The following PDE1C variants were observed in gnomAD, a reference collection of about 807,000 sequenced individuals.
The protein encoded by PDE1C is phosphodiesterase 1C, also known as dual specificity calcium/calmodulin-dependent 3',5'-cyclic nucleotide phosphodiesterase 1C.
Under a neutral mutation model 93.1 loss-of-function variants are expected in PDE1C, and 62 were observed. That is an observed-to-expected ratio of 0.67 (90% confidence interval 0.54 to 0.82). PDE1C has a LOEUF of 0.82. Ranked by LOEUF, PDE1C falls within the 40% of genes least tolerant of loss-of-function variation. The pLI is 0.00. For missense variants in PDE1C, 742 were observed against 884.6 expected (o/e 0.84, Z 2.04); for synonymous variants, 325 against 310.1 (o/e 1.05, Z -0.50).
chr7:32,033,756 C>T (rs1223364342), intron 2 of PDE1C, among the ~76,000 whole-genome samples: 3 of 152,116 alleles, frequency 2.0e-5, no homozygotes, highest in Non-Finnish European at 2.9e-5. Flanking sequence ...AACCCAAAGA[C>T]CCCTGGAAGG....
At chr7:32,073,363 G>A (rs1419944706), upstream of PDE1C, among the ~76,000 whole-genome samples, 1 of 152,150 alleles carries the variant, frequency 6.6e-6, no homozygotes, top group African/African-American at 2.4e-5. Flanking sequence ...GCAGGAAGGA[G>A]CCCAAAAGAC....
chr7:31,636,089 T>TA, the PDE1C span, among the ~76,000 whole-genome samples: 22 of 152,112 alleles, frequency 1.4e-4, no homozygotes, highest in Non-Finnish European at 2.6e-4. Context: ...CAGATGCTTA[T>TA]AAAACCATCA....
the PDE1C span, among the ~76,000 whole-genome samples, chr7:31,723,871 G>A: frequency 6.6e-6 from 1 of 152,038 alleles, no homozygotes; most frequent in Admixed American, 6.6e-5. Context: ...ATACATACAC[G>A]CAAATCCACA....
chr7:32,043,133 CA>C (rs1222943225), intron 2 of PDE1C, among the ~76,000 whole-genome samples: 3 of 152,130 alleles, frequency 2.0e-5, no homozygotes, highest in Admixed American at 2.0e-4. Context: ...GGGATACTGC[CA>C]AACATCCTAC....
At chr7:32,098,286 G>A (rs943868279) in intron 3 of PDE1C, among the ~76,000 whole-genome samples, 7 of 149,364 alleles carry the variant, frequency 4.7e-5, no homozygotes, top group East Asian at 3.9e-4. Context: ...ACCCTGAAGC[G>A]GGTAATCATT....
intron 1 of PDE1C, among the ~76,000 whole-genome samples, chr7:32,402,053 T>C (rs1784954508): frequency 6.6e-6 from 1 of 152,202 alleles, no homozygotes; most frequent in Non-Finnish European, 1.5e-5. Context: ...GTTATAAATG[T>C]AGATATTGTT....
At chr7:32,216,352 CT>C (rs1389034725) in intron 1 of PDE1C, among the ~76,000 whole-genome samples, 1 of 152,162 alleles carries the variant, frequency 6.6e-6, no homozygotes, top group Non-Finnish European at 1.5e-5. Flanking sequence ...CTCATATGCT[CT>C]ATACTTCAGT....
At chr7:32,050,575 T>A (rs774531316) in intron 2 of PDE1C, among the ~76,000 whole-genome samples, 1 of 132,472 alleles carries the variant, frequency 7.5e-6, no homozygotes, top group Non-Finnish European at 1.6e-5. Context: ...TATGTGTATG[T>A]ATATATATAT....
chr7:31,792,672 T>G (rs1028983010), intron 16 of PDE1C, among the ~76,000 whole-genome samples: 2 of 152,098 alleles, frequency 1.3e-5, no homozygotes, highest in African/African-American at 2.4e-5. Flanking sequence ...CTCTTTTCAC[T>G]CCACATCCTA....
the PDE1C span, among the ~76,000 whole-genome samples, chr7:31,674,862 TC>T: frequency 0.066 from 10,106 of 152,260 alleles, 465 homozygotes; most frequent in Non-Finnish European, 0.1. Context: ...ATTTCCACTT[TC>T]TTCTGATATG....
At chr7:32,231,902 A>G (rs10269368) in intron 1 of PDE1C, among the ~76,000 whole-genome samples, 48,834 of 151,836 alleles carry the variant, frequency 0.32, 8,857 homozygotes, top group African/African-American at 0.49. Flanking sequence ...AAATGTAGGA[A>G]GAGTCTTTGA....
At chr7:32,241,888 C>T (rs1179373235) in intron 1 of PDE1C, among the ~76,000 whole-genome samples, 1 of 152,006 alleles carries the variant, frequency 6.6e-6, no homozygotes, top group Non-Finnish European at 1.5e-5. Flanking sequence ...TATGTGAGTG[C>T]AGATGCAGGG....
At chr7:31,861,547 C>T (rs567996400) in intron 7 of PDE1C, among the ~76,000 whole-genome samples, 1 of 152,174 alleles carries the variant, frequency 6.6e-6, no homozygotes, top group South Asian at 2.1e-4. Flanking sequence ...GATCCCCTTT[C>T]CTCCAAAACT....
chr7:32,147,505 G>A (rs1800967597), intron 3 of PDE1C, among the ~76,000 whole-genome samples: 1 of 152,002 alleles, frequency 6.6e-6, no homozygotes. Context: ...TGCATGCCCA[G>A]GCCTTTTTTC....
intron 3 of PDE1C, among the ~76,000 whole-genome samples, chr7:32,093,575 T>G (rs1797589689): frequency 6.6e-6 from 1 of 152,236 alleles, no homozygotes; most frequent in Non-Finnish European, 1.5e-5. Context: ...GTTGCACCAT[T>G]TGCTGGCCCT....
intron 1 of PDE1C, among the ~76,000 whole-genome samples, chr7:32,364,687 T>C (rs1784196446): frequency 6.6e-6 from 1 of 152,212 alleles, no homozygotes; most frequent in Admixed American, 6.5e-5. Flanking sequence ...ACTTATCTCC[T>C]GTAAGCCACT....
In PDE1C at chr7:32,229,320, C is replaced by T. The variant is rs377312474; in HGVS notation, c.86-19781G>A. Among the ~76,000 whole-genome samples, 13 of 152,286 alleles carry T rather than the reference C, an allele frequency of 8.5e-5. No homozygotes were observed. The East Asian group carries it at 2.5e-3, about 29-fold the overall frequency. ...GTTGTGTACAGCCAGGCAGGTTGTG[C>T]ACTGCACAAGTCTAGGGAGCACTTG... On this transcript the variant is annotated intron_variant, in intron 1 of 18. Coordinates refer to the PDE1C transcript ENST00000396193.
At chr7:32,128,228 A>G (rs531825157) in intron 3 of PDE1C, among the ~76,000 whole-genome samples, 54 of 151,950 alleles carry the variant, frequency 3.6e-4, no homozygotes, top group Admixed American at 8.5e-4. Context: ...TGTATTAAAG[A>G]TATAAATGAA....
chr7:32,205,843 C>T (rs1426026466), intron 2 of PDE1C, among the ~76,000 whole-genome samples: 1 of 152,106 alleles, frequency 6.6e-6, no homozygotes, highest in Non-Finnish European at 1.5e-5. Context: ...GCAGCTTCAC[C>T]CCTGGAGTCA....
Sources: allele counts gnomAD v4.1 joint callset (sites outside exome capture counted in the v4.1 genomes callset), GRCh38; gene constraint gnomAD v4.1.1; transcripts MANE v1.5; gene names NCBI Gene and HGNC (gene_info 2026-07-23, HGNC 2026-07-21).